NPRL3: variants seen among roughly 807,000 people sequenced by gnomAD.
NPRL3 encodes the protein NPR3 like, GATOR1 complex subunit.
Under a neutral mutation model 57.2 loss-of-function variants are expected in NPRL3, and 23 were observed. The ratio of observed to expected loss-of-function variants is 0.40; its 90% CI spans 0.29 to 0.57. The LOEUF is 0.57. Among genes scored for constraint, NPRL3 ranks in the 20% least tolerant of loss-of-function variants. NPRL3 has a pLI of 0.42. For missense variants in NPRL3, 691 were observed against 767.1 expected (o/e 0.90, Z 1.17); for synonymous variants, 333 against 321.1 (o/e 1.04, Z -0.39).
At chr16:123,484 C>T (rs1372597453) in intron 3 of NPRL3, 3 of 470,696 alleles carry the variant, frequency 6.4e-6, no homozygotes, top group East Asian at 6.9e-5. Flanking sequence ...GACAGAAAGA[C>T]GGTGGAGAGG....
chr16:120,258 C>T (rs1449566941), intron 3 of NPRL3, among the ~76,000 whole-genome samples: 1 of 152,160 alleles, frequency 6.6e-6, no homozygotes, highest in Non-Finnish European at 1.5e-5. Flanking sequence ...AAGCTCTAGC[C>T]TCCGCAGGGC....
At chr16:123,936 ACG>A (rs1268012759) in intron 3 of NPRL3, among the ~76,000 whole-genome samples, 2 of 338 alleles carry the variant, frequency 5.9e-3, no homozygotes, top group African/African-American at 0.056. Flanking sequence ...CACACTCCCC[ACG>A]TTGAGAAACA....
At position 86,242 on chromosome 16, in the gene NPRL3, C is replaced by G; in HGVS notation, c.*463G>C. On this transcript the variant is annotated 3_prime_UTR_variant, in exon 14 of 14. Coordinates refer to ENST00000611875, the MANE Select transcript of NPRL3 (RefSeq NM_001077350.3). ...GACAGAGGTGCTGGGGAGGGGGCCA[C>G]AGGGCACTTCACAAATAGAAGGCTG... 1 of 184,248 alleles carries G rather than the reference C, an allele frequency of 5.4e-6. No homozygotes were observed. Among genetic ancestry groups the G allele is most frequent in the Non-Finnish European group, 1.1e-5 (1 of 88,486 alleles). 11.4% of individuals were successfully genotyped at this position (184,248 alleles called of 1,614,324 possible).
chr16:99,048 G>A (rs1382734028), intron 8 of NPRL3, among the ~76,000 whole-genome samples: 3 of 152,194 alleles, frequency 2.0e-5, no homozygotes, highest in Non-Finnish European at 4.4e-5. Flanking sequence ...GAGACGCCCA[G>A]CAAACATCTG....
intron 7 of NPRL3, among the ~76,000 whole-genome samples, chr16:104,386 G>T (rs1899442761): frequency 6.6e-6 from 1 of 152,138 alleles, no homozygotes; most frequent in Admixed American, 6.5e-5. Flanking sequence ...ATAGGGAAAG[G>T]AACAGGGGCT....
intron 2 of NPRL3, among the ~76,000 whole-genome samples, chr16:135,347 A>T (rs1244484225): frequency 6.6e-6 from 1 of 152,210 alleles, no homozygotes; most frequent in African/African-American, 2.4e-5. Context: ...AGACAAACAC[A>T]TTTAAAAACA....
chr16:91,498 C>T (rs527362944), intron 11 of NPRL3, among the ~76,000 whole-genome samples: 1 of 152,356 alleles, frequency 6.6e-6, no homozygotes, highest in South Asian at 2.1e-4. Context: ...GGAAAAGCCA[C>T]TCCGTTATCT....
rs549545676 is a variant in NPRL3 at position 103,535 on chromosome 16, T to C, written c.630-3026A>G. ...ATACGGAGGCTCCTATTGTTTCAAA[T>C]GTAGCTGTCTTTGCTCCATCTAGGA... On this transcript the variant is annotated intron_variant, in intron 7 of 13. Transcript: ENST00000611875. 7.9e-5 allele frequency among the ~76,000 whole-genome samples: 12 copies of C among 152,098 alleles called. No individual in the cohort carries two copies. The East Asian group carries it at 2.3e-3, about 29-fold the overall frequency.
intron 5 of NPRL3, among the ~76,000 whole-genome samples, chr16:114,782 A>G (rs1337771899): frequency 3.3e-5 from 5 of 152,148 alleles, no homozygotes; most frequent in Admixed American, 2.6e-4. Context: ...TTAAGTGCCC[A>G]TATTTTATAC....
chr16:90,247 G>A, intron 11 of NPRL3: 1 of 282,206 alleles, frequency 3.5e-6, no homozygotes, highest in South Asian at 4.8e-5. Context: ...TGCTGCTGCA[G>A]CTGCCCCTCT....
intron 2 of NPRL3, among the ~76,000 whole-genome samples, chr16:133,400 ATT>A (rs145879888): frequency 6.9e-6 from 1 of 145,868 alleles, no homozygotes; most frequent in African/African-American, 2.5e-5. Context: ...TAATTTTTGT[ATT>A]TTTTTTTTTA....
intron 11 of NPRL3, 83 bp downstream of exon 11, chr16:92,513 C>T: frequency 6.6e-7 from 1 of 1,507,010 alleles, no homozygotes; most frequent in South Asian, 1.2e-5. Flanking sequence ...TGAGGGCTCT[C>T]AGATCAGAAC....
chr16:103,016 G>A (rs1596511793), intron 7 of NPRL3, among the ~76,000 whole-genome samples: 1 of 152,206 alleles, frequency 6.6e-6, no homozygotes, highest in Admixed American at 6.5e-5. Flanking sequence ...CTCAACTTGA[G>A]TAAGCAATAG....
At chr16:113,412 T>C (rs1899901430) in intron 5 of NPRL3, among the ~76,000 whole-genome samples, 1 of 152,196 alleles carries the variant, frequency 6.6e-6, no homozygotes, top group South Asian at 2.1e-4. Context: ...CAGGCCCATA[T>C]CTCTGCCCAA....
At chr16:117,531 A>G (rs765171990) in intron 4 of NPRL3, among the ~76,000 whole-genome samples, 156 bp from the exon 5 acceptor site, 9 of 152,356 alleles carry the variant, frequency 5.9e-5, no homozygotes, top group African/African-American at 7.2e-5. Flanking sequence ...TGCCTACTGC[A>G]TGGGCAAAGT....
chr16:131,597 CAA>C (rs59373757), intron 2 of NPRL3, among the ~76,000 whole-genome samples: 5,923 of 69,114 alleles, frequency 0.086, 82 homozygotes, highest in African/African-American at 0.19. Flanking sequence ...GACTCAGTCT[CAA>C]AAAAAAAAAA....
rs114394213 is a variant in NPRL3 at position 118,111 on chromosome 16, G to C, written c.319-736C>G. ...TGAGAAGGGAGGGTGCGGTACAGGG[G>C]ACCAGGCTCATCAACCGCCTCAGAA... On this transcript the variant is annotated intron_variant, in intron 4 of 13. Transcript: ENST00000611875. 9.4e-3 allele frequency among the ~76,000 whole-genome samples: 1,439 copies of C among 152,318 alleles called. 29 individuals are homozygous for C. The highest frequency in any genetic ancestry group is 0.032 in the African/African-American group (1,311 of 41,566).
chr16:86,666 A>C lies in NPRL3; in HGVS notation c.*39T>G. The C allele has an allele frequency of 2.0e-6, 3 of 1,522,836 alleles. No individual in the cohort carries two copies. Among genetic ancestry groups the C allele is most frequent in the Non-Finnish European group, 2.7e-6 (3 of 1,131,278 alleles). The allele number at this position is 1,522,836 out of a possible 1,614,324, so 94.3% of individuals were successfully genotyped here. On this transcript the variant is annotated 3_prime_UTR_variant, in exon 14 of 14. Transcript: ENST00000611875. ...CTGGGGTGGGGAGACGCGAGCGCCC[A>C]CCTGCGCACCCCAGCAGCCTTCCGC...
intron 2 of NPRL3, among the ~76,000 whole-genome samples, chr16:130,980 G>T (rs1900762980): frequency 6.6e-6 from 1 of 152,228 alleles, no homozygotes; most frequent in African/African-American, 2.4e-5. Flanking sequence ...TATAATGAAT[G>T]TAATTAATGC....
Sources: gnomAD v4.1 joint callset for allele counts (sites outside exome capture counted in the v4.1 genomes callset) on GRCh38, gnomAD v4.1.1 for gene constraint, MANE v1.5 for transcripts, NCBI Gene and HGNC (gene_info 2026-07-23, HGNC 2026-07-21) for gene names.